TENM2: variants seen among roughly 807,000 people sequenced by gnomAD.
The protein encoded by TENM2 is teneurin-2.
Under a neutral mutation model 245.2 loss-of-function variants are expected in TENM2, and 52 were observed. The observed-to-expected ratio is 0.21, with a 90% CI of 0.17 to 0.27. TENM2 has a LOEUF of 0.27. Ranked by LOEUF, TENM2 falls within the 10% of genes least tolerant of loss-of-function variation. The pLI is 1.00. For missense variants in TENM2, 3,046 were observed against 3,666.8 expected (o/e 0.83, Z 4.37); for synonymous variants, 1,363 against 1,438.9 (o/e 0.95, Z 1.19).
At chr5:167,220,391 T>C in the TENM2 span, among the ~76,000 whole-genome samples, 1 of 152,224 alleles carries the variant, frequency 6.6e-6, no homozygotes, top group Non-Finnish European at 1.5e-5. Context: ...CTTGTGGATA[T>C]TTCCACAATA....
At chr5:167,421,333 T>C (rs1255633910) in intron 2 of TENM2, among the ~76,000 whole-genome samples, 2 of 152,202 alleles carry the variant, frequency 1.3e-5, no homozygotes, top group East Asian at 3.9e-4. Flanking sequence ...GTCACTTATA[T>C]TGAAATTAAC....
rs137882174 is a variant in TENM2 at position 167,447,381 on chromosome 5, T to C, written c.502+71908T>C. Among the ~76,000 whole-genome samples the C allele has an allele frequency of 2.8e-3, 420 of 152,364 alleles. 2 individuals are homozygous for C. The highest frequency in any genetic ancestry group is 9.4e-3 in the African/African-American group (392 of 41,580). ...GTTATTTAAATATGTTAAAAGTACA[T>C]TTAAATTATTCTACATTAATGTGTA... On this transcript the variant is annotated intron_variant, in intron 2 of 28. Transcript: ENST00000518659.
Position 167,678,504 on chromosome 5 carries a change from G to C in TENM2, c.503-197482G>C, listed in dbSNP as rs530112316. Among the ~76,000 whole-genome samples the C allele has an allele frequency of 9.9e-5, 15 of 152,208 alleles. No homozygotes were observed. The South Asian group carries it at 1.5e-3, about 15-fold the overall frequency. Reference sequence around the variant, plus strand: ...TTCTTCCCTCTGTCCTCCCACCGGAGTCTGTGTTTCTGTCACAGCACTTGT... The same window carrying C: ...TTCTTCCCTCTGTCCTCCCACCGGACTCTGTGTTTCTGTCACAGCACTTGT... On this transcript the variant is annotated intron_variant, in intron 2 of 28. Transcript: ENST00000518659.
chr5:167,760,779 G>A (rs1762611324), intron 2 of TENM2, among the ~76,000 whole-genome samples: 1 of 152,144 alleles, frequency 6.6e-6, no homozygotes, highest in Non-Finnish European at 1.5e-5. Context: ...TCAGCCTCCT[G>A]AGGAGCAGGG....
intron 2 of TENM2, among the ~76,000 whole-genome samples, chr5:167,574,905 A>G (rs2127667701): frequency 6.6e-6 from 1 of 152,252 alleles, no homozygotes; most frequent in African/African-American, 2.4e-5. Context: ...GTCTCCTTTA[A>G]AGAGCTTTGG....
chr5:167,112,195 CA>C, the TENM2 span, among the ~76,000 whole-genome samples: 1 of 152,116 alleles, frequency 6.6e-6, no homozygotes, highest in Non-Finnish European at 1.5e-5. Context: ...CCAATGTACC[CA>C]AAAAATCATT....
At chr5:167,065,496 G>A in the TENM2 span, among the ~76,000 whole-genome samples, 5 of 152,196 alleles carry the variant, frequency 3.3e-5, no homozygotes, top group African/African-American at 9.7e-5. Flanking sequence ...GTATGTGAGG[G>A]AGAAAGGATG....
chr5:167,002,557 C>A, the TENM2 span, among the ~76,000 whole-genome samples: 1 of 151,818 alleles, frequency 6.6e-6, no homozygotes, highest in Non-Finnish European at 1.5e-5. Context: ...GTAATCCCAG[C>A]ACATTGGGAG....
At chr5:167,233,004 C>G in the TENM2 span, among the ~76,000 whole-genome samples, 1 of 147,434 alleles carries the variant, frequency 6.8e-6, no homozygotes. Flanking sequence ...GGAGAGTCAA[C>G]TACTTGGACA....
chr5:167,284,964 A>T lies in TENM2; in HGVS notation c.127A>T (p.Ser43Cys), dbSNP rs762534125. The stretch of plus-strand genomic sequence containing the variant: ...GCCCACACAGAAATCCTACAGCTCC[A>T]GTGAGACTCTGAAGGCCTATGACCA... The change falls in exon 1 of 29, where the codon AGT becomes TGT. Residue 43 changes from serine to cysteine, a missense_variant. Physicochemically the swap from Ser to Cys is moderately radical, Grantham distance 112. Coordinates refer to ENST00000518659, the Ensembl canonical transcript of TENM2. 26 of 1,551,840 alleles carry T rather than the reference A, an allele frequency of 1.7e-5. No individual in the cohort carries two copies. The South Asian group carries it at 3.0e-4, about 18-fold the overall frequency.
chr5:167,972,462 T>C (rs1263835146), intron 4 of TENM2, among the ~76,000 whole-genome samples: 1 of 152,230 alleles, frequency 6.6e-6, no homozygotes, highest in Non-Finnish European at 1.5e-5. Context: ...CAGTCTCTTC[T>C]TGATGGACAT....
chr5:167,067,303 A>T, the TENM2 span, among the ~76,000 whole-genome samples: 7 of 151,950 alleles, frequency 4.6e-5, no homozygotes, highest in African/African-American at 9.7e-5. Flanking sequence ...CTTTTGCAGA[A>T]TTTTTTTTCC....
chr5:167,671,409 C>T (rs900527544), intron 2 of TENM2, among the ~76,000 whole-genome samples: 2 of 152,136 alleles, frequency 1.3e-5, no homozygotes, highest in South Asian at 2.1e-4. Context: ...ACATTTTTCT[C>T]GGGCATAGCT....
At chr5:167,151,990 A>G in the TENM2 span, among the ~76,000 whole-genome samples, 1 of 152,118 alleles carries the variant, frequency 6.6e-6, no homozygotes, top group East Asian at 1.9e-4. Context: ...CACATGCTCC[A>G]TTTAGATGCC....
chr5:167,617,604 T>C (rs180842485), intron 2 of TENM2, among the ~76,000 whole-genome samples: 1 of 152,310 alleles, frequency 6.6e-6, no homozygotes, highest in Admixed American at 6.5e-5. Context: ...TCATATTCTG[T>C]CGTTCTACCT....
At chr5:168,064,434 C>G (rs2569037) in intron 7 of TENM2, among the ~76,000 whole-genome samples, 2 of 152,050 alleles carry the variant, frequency 1.3e-5, no homozygotes, top group South Asian at 4.1e-4. Flanking sequence ...CTTGCATGCT[C>G]CAGGAAACCA....
At chr5:167,652,849 G>T (rs1022889505) in intron 2 of TENM2, among the ~76,000 whole-genome samples, 3 of 152,044 alleles carry the variant, frequency 2.0e-5, no homozygotes, top group African/African-American at 7.2e-5. Context: ...TTTATTACAG[G>T]TTAAAAAGCT....
At chr5:167,510,370 C>T (rs890847230) in intron 2 of TENM2, among the ~76,000 whole-genome samples, 1 of 152,138 alleles carries the variant, frequency 6.6e-6, no homozygotes, top group Non-Finnish European at 1.5e-5. Flanking sequence ...TTTTGTGATG[C>T]TACTAGTGAA....
At chr5:168,114,143 T>C (rs2163764) in intron 9 of TENM2, among the ~76,000 whole-genome samples, 67,456 of 152,050 alleles carry the variant, frequency 0.44, 15,782 homozygotes, top group African/African-American at 0.49. Context: ...TTAATTTGCC[T>C]ACCAAGTGTC....
Sources: gnomAD v4.1 joint callset for allele counts (sites outside exome capture counted in the v4.1 genomes callset) on GRCh38, gnomAD v4.1.1 for gene constraint, MANE v1.5 for transcripts, NCBI Gene and HGNC (gene_info 2026-07-23, HGNC 2026-07-21) for gene names.